NINJ2: variants seen among roughly 807,000 people sequenced by gnomAD.
NINJ2 encodes ninjurin-2.
A neutral mutation model predicts 11.7 loss-of-function variants in NINJ2; 12 were observed. That is an observed-to-expected ratio of 1.02 (90% CI 0.66 to 1.66). NINJ2 has a LOEUF of 1.66. Ranked by LOEUF, NINJ2 falls within the 40% of genes most tolerant of loss-of-function variation. The pLI is 0.00. For synonymous variants in NINJ2, 93 were observed against 76.8 expected, an observed-to-expected ratio of 1.21 and a Z score of -1.10; for missense variants, 187 against 181.8, an observed-to-expected ratio of 1.03 and a Z score of -0.16.
intron 1 of NINJ2, among the ~76,000 whole-genome samples, chr12:625,576 C>A (rs562715889): frequency 6.6e-6 from 1 of 151,600 alleles, no homozygotes; most frequent in East Asian, 1.9e-4. Context: ...GAGCCTTTTC[C>A]AGCAAGCTAC....
At chr12:583,512 CCT>C (rs1172018017) in intron 1 of NINJ2, among the ~76,000 whole-genome samples, 1 of 152,262 alleles carries the variant, frequency 6.6e-6, no homozygotes. Context: ...ACAGCTGACC[CCT>C]GTCATCGCTG....
chr12:570,841 C>CTTCTGGACCCAGAGGT (rs1947366097), intron 1 of NINJ2, among the ~76,000 whole-genome samples: 1 of 152,236 alleles, frequency 6.6e-6, no homozygotes, highest in African/African-American at 2.4e-5. Context: ...GGTTGCTGGG[C>CTTCTGGACCCAGAGGT]CCAGCTCTGC....
At chr12:566,759 A>ACATG (rs529890289) in intron 1 of NINJ2, among the ~76,000 whole-genome samples, 149 of 152,346 alleles carry the variant, frequency 9.8e-4, no homozygotes, top group Middle Eastern at 3.4e-3. Context: ...CTCAGCATAC[A>ACATG]CATGCATGCA....
chr12:569,122 G>C (rs953518107), intron 1 of NINJ2, among the ~76,000 whole-genome samples: 7 of 152,236 alleles, frequency 4.6e-5, no homozygotes, highest in African/African-American at 1.7e-4. Context: ...GGAGGAGGTA[G>C]GGATGGAGGG....
intron 1 of NINJ2, among the ~76,000 whole-genome samples, chr12:629,896 A>AAAAAAAAAAAAAAATATAT: frequency 1.5e-3 from 15 of 9,896 alleles, no homozygotes; most frequent in Middle Eastern, 0.25. Context: ...AAAAAAAAAA[A>AAAAAAAAAAAAAAATATAT]ATATATATAT....
At chr12:627,528 G>A (rs1306954222) in intron 1 of NINJ2, among the ~76,000 whole-genome samples, 7 of 152,352 alleles carry the variant, frequency 4.6e-5, no homozygotes, top group African/African-American at 1.4e-4. Context: ...ATAGGATTTA[G>A]ATGGATAAAG....
At chr12:612,319 G>T (rs926756407) in intron 1 of NINJ2, among the ~76,000 whole-genome samples, 1 of 152,080 alleles carries the variant, frequency 6.6e-6, no homozygotes, top group Admixed American at 6.6e-5. Flanking sequence ...TGGGGTGTCG[G>T]GGCAGTCGCA....
chr12:613,425 T>C (rs1948057294), intron 1 of NINJ2, among the ~76,000 whole-genome samples: 2 of 151,158 alleles, frequency 1.3e-5, no homozygotes, highest in Admixed American at 6.6e-5. Flanking sequence ...CTAGCCAATA[T>C]GGTGAAACCC....
intron 1 of NINJ2, among the ~76,000 whole-genome samples, chr12:638,059 C>T (rs1269127686): frequency 6.6e-6 from 1 of 152,218 alleles, no homozygotes; most frequent in African/African-American, 2.4e-5. Flanking sequence ...AAGGCCTCTA[C>T]CAGAAGGTGG....
chr12:600,654 GTGTGTGTGT>G, intron 1 of NINJ2, among the ~76,000 whole-genome samples: 3 of 11,130 alleles, frequency 2.7e-4, no homozygotes, highest in Admixed American at 8.8e-4. Context: ...TTTTTTTGGG[GTGTGTGTGT>G]GTGTGTGTGT....
At chr12:646,830 A>G (rs1379908454) in intron 1 of NINJ2, among the ~76,000 whole-genome samples, 1 of 152,172 alleles carries the variant, frequency 6.6e-6, no homozygotes, top group Admixed American at 6.5e-5. Flanking sequence ...TGACCCCTCA[A>G]ACCTGAGGGT....
intron 1 of NINJ2, among the ~76,000 whole-genome samples, chr12:654,448 G>C (rs894266723): frequency 7.9e-5 from 12 of 151,292 alleles, no homozygotes; most frequent in Admixed American, 7.9e-4. Flanking sequence ...TTGAACCCGG[G>C]AGGCAGAGGT....
chr12:629,653 C>G lies in NINJ2; in HGVS notation c.33+33675G>C, dbSNP rs1181593419. ...CTGTAATCCCAGCACTTTGGGAGGC[C>G]GAGGCAGGTGGATCACCTGAGGTCA... On this transcript the variant is annotated intron_variant, in intron 1 of 3. Transcript: ENST00000305108. 2.0e-5 allele frequency among the ~76,000 whole-genome samples: 3 copies of G among 151,140 alleles called. No individual in the cohort carries two copies. The East Asian group carries it at 5.9e-4, about 29-fold the overall frequency.
chr12:596,876 T>G (rs916471855), intron 1 of NINJ2, among the ~76,000 whole-genome samples: 4 of 151,484 alleles, frequency 2.6e-5, no homozygotes, highest in Non-Finnish European at 5.9e-5. Flanking sequence ...GAGCCATTAT[T>G]GCACCATCCC....
intron 1 of NINJ2, among the ~76,000 whole-genome samples, chr12:570,454 G>C (rs907907113): frequency 6.6e-6 from 1 of 152,190 alleles, no homozygotes; most frequent in Admixed American, 6.5e-5. Context: ...CACAGCCCAG[G>C]GACTGGGAGC....
At chr12:601,092 G>T (rs1947860294) in intron 1 of NINJ2, among the ~76,000 whole-genome samples, 1 of 152,164 alleles carries the variant, frequency 6.6e-6, no homozygotes, top group South Asian at 2.1e-4. Context: ...GCTCTCTCCT[G>T]CATTTGCAGA....
intron 1 of NINJ2, among the ~76,000 whole-genome samples, chr12:659,104 A>G (rs1257197935): frequency 2.0e-5 from 3 of 150,250 alleles, no homozygotes; most frequent in East Asian, 1.9e-4. Flanking sequence ...TTTAAAAACA[A>G]TAAAACAAAC....
intron 1 of NINJ2, among the ~76,000 whole-genome samples, chr12:604,678 T>C (rs1323035358): frequency 6.6e-6 from 1 of 152,106 alleles, no homozygotes; most frequent in Non-Finnish European, 1.5e-5. Context: ...AGCCTGATGC[T>C]TGCAGGAAGG....
At chr12:621,398 G>A (rs1334762817) in intron 1 of NINJ2, among the ~76,000 whole-genome samples, 1 of 151,504 alleles carries the variant, frequency 6.6e-6, no homozygotes, top group Non-Finnish European at 1.5e-5. Flanking sequence ...AGGCTGTAGT[G>A]AGCTGTGATT....
Sources: allele counts gnomAD v4.1 joint callset (sites outside exome capture counted in the v4.1 genomes callset), GRCh38; gene constraint gnomAD v4.1.1; transcripts MANE v1.5; gene names NCBI Gene and HGNC (gene_info 2026-07-23, HGNC 2026-07-21).